The following SH3BGR variants were observed in gnomAD, a reference collection of about 807,000 sequenced individuals.
SH3BGR encodes SH3 domain binding glutamate rich protein.
SH3BGR carries 29 observed loss-of-function variants against 24.5 expected under a neutral mutation model. The ratio of observed to expected loss-of-function variants is 1.18; its 90% CI spans 0.88 to 1.61. SH3BGR has a LOEUF of 1.61. Among genes scored for constraint, SH3BGR ranks in the 40% most tolerant of loss-of-function variants. SH3BGR has a pLI of 0.00. For synonymous variants in SH3BGR, 55 were observed against 65.7 expected, an observed-to-expected ratio of 0.84 and a Z score of 0.79; for missense variants, 162 against 205.8, an observed-to-expected ratio of 0.79 and a Z score of 1.30.
At chr21:39,478,856 G>T (rs1383345739) in intron 3 of SH3BGR, among the ~76,000 whole-genome samples, 1 of 151,830 alleles carries the variant, frequency 6.6e-6, no homozygotes, top group African/African-American at 2.4e-5. Flanking sequence ...ATCTCTGCAT[G>T]TTCCCTTATT....
chr21:39,496,485 C>T (rs866289070), intron 3 of SH3BGR, among the ~76,000 whole-genome samples: 3 of 126,616 alleles, frequency 2.4e-5, no homozygotes, highest in East Asian at 2.3e-4. Context: ...CCGGCCTGGG[C>T]GACAGAGCGA....
At chr21:39,510,104 G>A (rs2078651975) in intron 5 of SH3BGR, among the ~76,000 whole-genome samples, 1 of 144,812 alleles carries the variant, frequency 6.9e-6, no homozygotes, top group East Asian at 2.0e-4. Context: ...CACCGCGCCC[G>A]GCTAATTTTT....
intron 3 of SH3BGR, among the ~76,000 whole-genome samples, chr21:39,479,364 TGATG>T (rs1294102975): frequency 7.0e-6 from 1 of 143,292 alleles, no homozygotes; most frequent in Non-Finnish European, 1.5e-5. Context: ...ATGGTGGAGA[TGATG>T]GTGGTGGTGA....
chr21:39,474,533 C>G (rs1388240411), intron 2 of SH3BGR, among the ~76,000 whole-genome samples: 1 of 152,156 alleles, frequency 6.6e-6, no homozygotes, highest in Non-Finnish European at 1.5e-5. Context: ...CTGGACCTGC[C>G]TGGTGAAGGA....
intron 2 of SH3BGR, among the ~76,000 whole-genome samples, chr21:39,469,989 T>G (rs752087546): frequency 2.6e-5 from 4 of 152,192 alleles, no homozygotes; most frequent in Non-Finnish European, 5.9e-5. Context: ...GTATAAATGT[T>G]AAGATATTTA....
At chr21:39,485,597 G>T (rs2837047) in intron 3 of SH3BGR, among the ~76,000 whole-genome samples, 6 of 151,870 alleles carry the variant, frequency 4.0e-5, no homozygotes, top group African/African-American at 9.7e-5. Flanking sequence ...TGTGGATCTT[G>T]GGTTAGTCGT....
At chr21:39,499,077 C>T (rs767847854) in intron 3 of SH3BGR, among the ~76,000 whole-genome samples, 14 of 152,274 alleles carry the variant, frequency 9.2e-5, no homozygotes, top group African/African-American at 2.9e-4. Context: ...CTCGTGAGAA[C>T]TCACTCACCA....
At chr21:39,463,494 G>A (rs1326867936) in intron 2 of SH3BGR, among the ~76,000 whole-genome samples, 2 of 152,208 alleles carry the variant, frequency 1.3e-5, no homozygotes, top group Non-Finnish European at 2.9e-5. Flanking sequence ...GGAAATGAGA[G>A]CTGTGTGAAG....
intron 1 of SH3BGR, among the ~76,000 whole-genome samples, chr21:39,454,275 C>G (rs374417019): frequency 6.6e-6 from 1 of 152,162 alleles, no homozygotes; most frequent in South Asian, 2.1e-4. Flanking sequence ...ATTTCTTCAG[C>G]CTGTACATTT....
intron 4 of SH3BGR, among the ~76,000 whole-genome samples, chr21:39,507,262 C>G (rs183480013): frequency 2.6e-4 from 40 of 152,286 alleles, no homozygotes; most frequent in Non-Finnish European, 4.4e-4. Context: ...CTGGAAATGG[C>G]TAAAAACATG....
intron 4 of SH3BGR, among the ~76,000 whole-genome samples, chr21:39,507,086 A>C (rs2123538740): frequency 6.6e-6 from 1 of 152,320 alleles, no homozygotes; most frequent in South Asian, 2.1e-4. Context: ...CTTCTCCTGC[A>C]CATTATTTGA....
intron 3 of SH3BGR, among the ~76,000 whole-genome samples, chr21:39,492,514 C>T (rs2078322150): frequency 6.7e-6 from 1 of 149,328 alleles, no homozygotes; most frequent in African/African-American, 2.5e-5. Context: ...TTTTCTTTAT[C>T]CACTTGTTGA....
intron 1 of SH3BGR, among the ~76,000 whole-genome samples, chr21:39,457,530 A>T (rs1237434307): frequency 1.4e-5 from 2 of 146,710 alleles, no homozygotes; most frequent in African/African-American, 4.9e-5. Flanking sequence ...GTTATATATA[A>T]ATCTTATATA....
intron 5 of SH3BGR, 78 bp downstream of exon 5, chr21:39,509,105 A>C: frequency 3.4e-6 from 4 of 1,185,000 alleles, no homozygotes; most frequent in Non-Finnish European, 4.9e-6. Context: ...TTGCAGCTTG[A>C]GGCACGTTCT....
At chr21:39,458,895 C>T (rs1287493095) in intron 1 of SH3BGR, among the ~76,000 whole-genome samples, 1 of 152,108 alleles carries the variant, frequency 6.6e-6, no homozygotes, top group East Asian at 1.9e-4. Flanking sequence ...GATCTGCCTG[C>T]CTCAGCTTCC....
intron 6 of SH3BGR, among the ~76,000 whole-genome samples, chr21:39,512,642 A>G (rs187644308): frequency 1.2e-4 from 19 of 152,250 alleles, no homozygotes; most frequent in African/African-American, 4.6e-4. Context: ...CATGAAGTGC[A>G]TTAGCCGGGT....
intron 3 of SH3BGR, among the ~76,000 whole-genome samples, chr21:39,493,100 G>T (rs1405454897): frequency 6.6e-6 from 1 of 152,042 alleles, no homozygotes; most frequent in Non-Finnish European, 1.5e-5. Context: ...TCCTTTTGCC[G>T]TGCAAAAGCT....
intron 3 of SH3BGR, among the ~76,000 whole-genome samples, chr21:39,485,845 G>A (rs934856823): frequency 2.0e-5 from 3 of 151,956 alleles, no homozygotes; most frequent in Admixed American, 6.6e-5. Flanking sequence ...CCGCCACCAC[G>A]CCCGGCTAAT....
At chr21:39,503,864 A>G (rs1032060220) in intron 4 of SH3BGR, among the ~76,000 whole-genome samples, 11 of 152,178 alleles carry the variant, frequency 7.2e-5, no homozygotes, top group African/African-American at 2.7e-4. Context: ...CTTCATGCCT[A>G]GGAAGATCTT....
Sources: allele counts gnomAD v4.1 joint callset (sites outside exome capture counted in the v4.1 genomes callset), GRCh38; gene constraint gnomAD v4.1.1; transcripts MANE v1.5; gene names NCBI Gene and HGNC (gene_info 2026-07-23, HGNC 2026-07-21).